Variants in HGD observed in about 807,000 individuals in gnomAD.
HGD encodes the protein homogentisate oxidase.
In HGD, 61 loss-of-function variants were observed where a neutral mutation model predicts 60.8. The ratio of observed to expected loss-of-function variants is 1.00; its 90% CI spans 0.82 to 1.24. The LOEUF (loss-of-function observed/expected upper bound fraction) is 1.24. HGD is among the 50% of genes most tolerant of loss of function. The pLI is 0.00. For missense variants in HGD, 542 were observed against 547.1 expected (o/e 0.99, Z 0.09); for synonymous variants, 212 against 187.7 (o/e 1.13, Z -1.06).
intron 11 of HGD, 141 bp from the exon 12 acceptor site, chr3:120,638,722 TAGAG>T: frequency 1.0e-6 from 1 of 964,242 alleles, no homozygotes; most frequent in South Asian, 1.5e-5. Context: ...TTAATTTAGA[TAGAG>T]GGATACATAT....
Position 120,643,679 on chromosome 3 carries a change from G to A in HGD, c.774+640C>T, listed in dbSNP as rs533662638. Among the ~76,000 whole-genome samples, 52 of 152,234 alleles carry A rather than the reference G, an allele frequency of 3.4e-4. No homozygotes were observed. In the South Asian group the frequency reaches 7.5e-3, roughly 22 times the overall value. On this transcript the variant is annotated intron_variant, in intron 10 of 13. Transcript: ENST00000283871. ...AGCAAACAAATAATGCTAAACAGAA[G>A]AGATCTTTGGGTTCTTCTTATTATA...
chr3:120,673,982 G>A (rs1319141816), intron 3 of HGD, among the ~76,000 whole-genome samples: 4 of 152,174 alleles, frequency 2.6e-5, no homozygotes, highest in African/African-American at 9.7e-5. Flanking sequence ...TACTTAGGGG[G>A]CCTGCCTCCA....
intron 12 of HGD, chr3:120,633,538 T>A: frequency 1.3e-6 from 2 of 1,490,580 alleles, no homozygotes; most frequent in Non-Finnish European, 1.8e-6. Flanking sequence ...TCCATGGCCA[T>A]GTGGATTATC....
At chr3:120,676,557 T>A (rs555437627) in intron 1 of HGD, among the ~76,000 whole-genome samples, 10 of 152,342 alleles carry the variant, frequency 6.6e-5, no homozygotes, top group African/African-American at 2.4e-4. Flanking sequence ...GCTTTTTTGC[T>A]AGCCTATAAG....
At chr3:120,659,602 T>C (rs1941598441) in intron 4 of HGD, among the ~76,000 whole-genome samples, 1 of 152,232 alleles carries the variant, frequency 6.6e-6, no homozygotes, top group Non-Finnish European at 1.5e-5. Context: ...AGTTTGAAAC[T>C]AACCCTCATC....
chr3:120,644,436 A>T lies in HGD; in HGVS notation c.657T>A (p.Asn219Lys). The T allele has an allele frequency of 6.2e-7, 1 of 1,614,146 alleles. No homozygotes were observed. The stretch of plus-strand genomic sequence containing the variant: ...AGAAATCACGAGGATTGGCCAAGCC[A>T]TTGGCCCCTAGAAAACAGTAACCCA... The part of the protein sequence containing the change: ...ELPDLGPIGA[N>K]GLANPRDFLI... The change falls in exon 10 of 14, where the codon AAT becomes AAA. Residue 219 changes from asparagine to lysine, a missense_variant. Physicochemically the swap from Asn to Lys is moderately conservative, Grantham distance 94. Coordinates refer to ENST00000283871, the MANE Select transcript of HGD (RefSeq NM_000187.4).
At chr3:120,646,936 G>C in intron 8 of HGD, 37 bp downstream of exon 8, 1 of 1,511,388 alleles carries the variant, frequency 6.6e-7, no homozygotes, top group Non-Finnish European at 9.2e-7. Context: ...TCCCAAATTA[G>C]TGAGAGGCAG....
intron 7 of HGD, 27 bp downstream of exon 7, chr3:120,647,849 GA>G: frequency 6.3e-7 from 1 of 1,583,642 alleles, no homozygotes; most frequent in Non-Finnish European, 8.7e-7. Context: ...AATTAACAGT[GA>G]GGGGGTCTGA....
intron 1 of HGD, among the ~76,000 whole-genome samples, chr3:120,678,512 G>A (rs1221075553): frequency 6.6e-6 from 1 of 152,194 alleles, no homozygotes. Flanking sequence ...TTAGAAGAGG[G>A]TTCAGGGTTA....
chr3:120,658,404 C>A (rs765819569), intron 4 of HGD, among the ~76,000 whole-genome samples: 2 of 152,208 alleles, frequency 1.3e-5, no homozygotes, highest in Non-Finnish European at 2.9e-5. Flanking sequence ...CCAAAAAAAT[C>A]TCCTTTGACC....
At chr3:120,641,509 G>C in intron 11 of HGD, 80 bp downstream of exon 11, 1 of 866,540 alleles carries the variant, frequency 1.2e-6, no homozygotes, top group South Asian at 1.3e-5. Context: ...TGTTAGATCT[G>C]TAAATGTCAG....
At chr3:120,629,829 A>G (rs1940528784) in intron 13 of HGD, among the ~76,000 whole-genome samples, 1 of 152,194 alleles carries the variant, frequency 6.6e-6, no homozygotes, top group Non-Finnish European at 1.5e-5. Flanking sequence ...AGAAGAAGTC[A>G]ACCTATCCCT....
chr3:120,681,959 A>C, intron 1 of HGD, 138 bp downstream of exon 1: 2 of 807,300 alleles, frequency 2.5e-6, no homozygotes, highest in Non-Finnish European at 4.4e-6. Context: ...CACAGACACC[A>C]CAGGGAAGCC....
Position 120,674,906 on chromosome 3 carries a change from C to G in HGD, c.171G>C (p.Lys57Asn). 2.5e-6 allele frequency: 4 copies of G among 1,604,824 alleles called. No homozygotes were observed. The highest frequency in any genetic ancestry group is 3.4e-6 in the Non-Finnish European group (4 of 1,171,942). Residue 57 changes from lysine (K) to asparagine (N), a missense_variant, in exon 3 of 14, where the codon AAG becomes AAC. Lys to Asn is a moderately conservative substitution (Grantham distance 94). Around this residue, in one of 2 missense-constraint regions of HGD, gnomAD observed 537 missense variants for 529.1 expected, o/e 1.01. Coordinates refer to ENST00000283871, the MANE Select transcript of HGD (RefSeq NM_000187.4). The stretch of plus-strand genomic sequence containing the variant: ...AATTCATCTAATCCTTGTACCTTCT[C>G]TTATTGGTGCTCCGTGGACAAGTGA... The part of the protein sequence containing the change: ...SAFTCPRSTN[K>N]RSWLYRILPS...
At chr3:120,681,064 G>A (rs1179848551) in intron 1 of HGD, among the ~76,000 whole-genome samples, 1 of 152,234 alleles carries the variant, frequency 6.6e-6, no homozygotes, top group African/African-American at 2.4e-5. Context: ...TTACTCCGGT[G>A]TGGAGTGTTT....
At chr3:120,651,436 C>T (rs373989056) in intron 5 of HGD, among the ~76,000 whole-genome samples, 7 of 152,098 alleles carry the variant, frequency 4.6e-5, no homozygotes, top group African/African-American at 1.7e-4. Flanking sequence ...GCCCTCAGCC[C>T]CAAACCTGCA....
chr3:120,661,941 T>C lies in HGD; in HGVS notation c.282+8486A>G, dbSNP rs538545750. Among the ~76,000 whole-genome samples the C allele has an allele frequency of 5.1e-4, 77 of 152,318 alleles. 1 individual carries two copies. In the South Asian group the frequency reaches 0.012, roughly 25 times the overall value. ...AGATCAGATGAAGATGATAGAGACATAGAACCTTAAATACTCTGAGAAATA... is the reference window on the plus strand; with the variant it reads ...AGATCAGATGAAGATGATAGAGACACAGAACCTTAAATACTCTGAGAAATA... On this transcript the variant is annotated intron_variant, in intron 4 of 13. Transcript: ENST00000283871.
chr3:120,654,389 G>A (rs141946353), intron 4 of HGD, among the ~76,000 whole-genome samples: 39 of 152,192 alleles, frequency 2.6e-4, no homozygotes, highest in African/African-American at 7.9e-4. Context: ...CCCAGACATC[G>A]GTATTTTATA....
chr3:120,664,523 G>C (rs1707854723), intron 4 of HGD, among the ~76,000 whole-genome samples: 1 of 148,308 alleles, frequency 6.7e-6, no homozygotes, highest in South Asian at 2.1e-4. Flanking sequence ...GACCTCCCAG[G>C]CTCGAGCAGT....
Sources: allele counts gnomAD v4.1 joint callset (sites outside exome capture counted in the v4.1 genomes callset), GRCh38; gene constraint gnomAD v4.1.1; regional missense constraint gnomAD v4.1.1; transcripts MANE v1.5; gene names NCBI Gene and HGNC (gene_info 2026-07-23, HGNC 2026-07-21).